Variants in PTGFR observed in about 807,000 individuals in gnomAD.
PTGFR encodes prostaglandin F receptor.
In PTGFR, 15 loss-of-function variants were observed where a neutral mutation model predicts 26.2. The observed-to-expected ratio is 0.57, with a 90% CI of 0.38 to 0.88. The LOEUF (loss-of-function observed/expected upper bound fraction) is 0.88, where lower values mean the gene tolerates loss of function less well. Among genes scored for constraint, PTGFR ranks in the 40% least tolerant of loss-of-function variants. The pLI, the probability that PTGFR is intolerant of heterozygous loss-of-function variation, is 0.00. For synonymous variants in PTGFR, 165 were observed against 151.1 expected, an observed-to-expected ratio of 1.09 and a Z score of -0.68; for missense variants, 369 against 427.2, an observed-to-expected ratio of 0.86 and a Z score of 1.20.
At chr1:78,529,894 A>G (rs1169783680) in intron 2 of PTGFR, among the ~76,000 whole-genome samples, 5 of 152,116 alleles carry the variant, frequency 3.3e-5, no homozygotes, top group Non-Finnish European at 5.9e-5. Flanking sequence ...TACTGTGAAC[A>G]CATGGGAGGG....
intron 2 of PTGFR, among the ~76,000 whole-genome samples, chr1:78,503,845 T>C (rs1162005695): frequency 6.6e-6 from 1 of 152,252 alleles, no homozygotes; most frequent in African/African-American, 2.4e-5. Flanking sequence ...AGAACATTGT[T>C]GTAGCAGCAG....
In PTGFR at chr1:78,540,201, A is replaced by G. The variant is rs567556817; in HGVS notation, c.*3514A>G. ...CTACAGAGCATGGTGAATCACACAC[A>G]GGCTGTTAGAATATCCATCTGGAGG... is the stretch of plus-strand genomic sequence containing the variant. On this transcript the variant is annotated 3_prime_UTR_variant, in exon 3 of 3. Transcript: ENST00000370757. Among the ~76,000 whole-genome samples the G allele has an allele frequency of 6.6e-6, 1 of 152,092 alleles. No individual in the cohort carries two copies. The highest frequency in any genetic ancestry group is 1.5e-5 in the Non-Finnish European group (1 of 68,004).
intron 2 of PTGFR, 108 bp downstream of exon 2, chr1:78,493,649 AT>A: frequency 9.0e-7 from 1 of 1,113,022 alleles, no homozygotes. Context: ...CCTACTCAAA[AT>A]TTATTTCAGC....
At chr1:78,522,578 C>T (rs1326544708) in intron 2 of PTGFR, among the ~76,000 whole-genome samples, 1 of 152,020 alleles carries the variant, frequency 6.6e-6, no homozygotes, top group East Asian at 1.9e-4. Flanking sequence ...CTTGTCCAAC[C>T]AGACTTATTT....
intron 2 of PTGFR, among the ~76,000 whole-genome samples, chr1:78,518,843 T>TA (rs1053510749): frequency 6.6e-6 from 1 of 152,096 alleles, no homozygotes; most frequent in South Asian, 2.1e-4. Context: ...TTAAAATATT[T>TA]AAAAAAATCG....
At position 78,536,708 on chromosome 1, in the gene PTGFR, G is replaced by T. The variant is rs1041717040; in HGVS notation, c.*21G>T. ...CCTAGCTTAATAGGACAGTAAATCT[G>T]TGTGGGGCTAGAACAAAATTAAGAC... On this transcript the variant is annotated 3_prime_UTR_variant, in exon 3 of 3. Coordinates refer to ENST00000370757, the MANE Select transcript of PTGFR (RefSeq NM_000959.4). The T allele has an allele frequency of 3.1e-6, 5 of 1,594,298 alleles. No homozygotes were observed. The highest frequency in any genetic ancestry group is 8.5e-7 in the Non-Finnish European group (1 of 1,171,526).
chr1:78,513,762 C>T (rs1440447852), intron 2 of PTGFR, among the ~76,000 whole-genome samples: 2 of 152,084 alleles, frequency 1.3e-5, no homozygotes, highest in East Asian at 3.9e-4. Flanking sequence ...GAGGCAGCCC[C>T]TCTCATCACA....
At chr1:78,502,684 G>A (rs1176526629) in intron 2 of PTGFR, among the ~76,000 whole-genome samples, 4 of 152,016 alleles carry the variant, frequency 2.6e-5, no homozygotes, top group African/African-American at 9.7e-5. Flanking sequence ...ATTATAAGAG[G>A]GATTTGTCAC....
At chr1:78,520,600 G>C in intron 2 of PTGFR, among the ~76,000 whole-genome samples, 1 of 152,100 alleles carries the variant, frequency 6.6e-6, no homozygotes. Flanking sequence ...CTACTCTTGG[G>C]ATGACTTAGA....
rs755961902 is a variant in PTGFR, at chr1:78,536,422, T to C, written c.815T>C (p.Ile272Thr). 12 of 1,611,686 alleles carry C rather than the reference T, an allele frequency of 7.4e-6. No homozygotes were observed. The highest frequency in any genetic ancestry group is 1.3e-5 in the African/African-American group (1 of 74,908). Residue 272 changes from isoleucine to threonine, a missense_variant, in exon 3 of 3, where the codon ATT becomes ACT. Physicochemically the swap from Ile to Thr is moderately conservative, Grantham distance 89. Coordinates refer to ENST00000370757, the MANE Select transcript of PTGFR (RefSeq NM_000959.4). The stretch of plus-strand genomic sequence containing the variant: ...CGTTTCTAGGTTACAATGGCCAACA[T>C]TGGAATAAATGGAAATCATTCTCTG... ...WSPFLVTMAN[I>T]GINGNHSLET...
At chr1:78,497,101 A>C (rs1649571996) in intron 2 of PTGFR, among the ~76,000 whole-genome samples, 1 of 152,148 alleles carries the variant, frequency 6.6e-6, no homozygotes, top group African/African-American at 2.4e-5. Context: ...TTTAAATTAA[A>C]ACATTTAATG....
At chr1:78,532,275 G>C in intron 2 of PTGFR, 1 of 374,502 alleles carries the variant, frequency 2.7e-6, no homozygotes, top group Non-Finnish European at 5.2e-6. Context: ...CAACATGAAA[G>C]TGGATCAAAC....
chr1:78,524,906 ATTTTTTTTTTTTTTTTTT>A (rs35641651), intron 2 of PTGFR, among the ~76,000 whole-genome samples: 2,986 of 70,848 alleles, frequency 0.042, 186 homozygotes, highest in African/African-American at 0.14. Context: ...CAAATGCAAG[ATTTTTTTTTTTTTTTTTT>A]TTTTTTTTTT....
chr1:78,505,933 A>G (rs984488603), intron 2 of PTGFR, among the ~76,000 whole-genome samples: 2 of 152,196 alleles, frequency 1.3e-5, no homozygotes, highest in African/African-American at 4.8e-5. Flanking sequence ...TTATCTTTTC[A>G]GAAGTCAATT....
intron 2 of PTGFR, among the ~76,000 whole-genome samples, chr1:78,527,936 A>G (rs559494560): frequency 3.9e-4 from 59 of 152,210 alleles, no homozygotes; most frequent in African/African-American, 1.4e-3. Flanking sequence ...TGACGGTTTA[A>G]TGGAGTCATG....
At chr1:78,500,061 A>AT (rs35204108) in intron 2 of PTGFR, among the ~76,000 whole-genome samples, 34,260 of 150,200 alleles carry the variant, frequency 0.23, 4,051 homozygotes, top group African/African-American at 0.27. Flanking sequence ...TTCATAATGT[A>AT]TTTTTTTTTT....
At chr1:78,530,261 C>A (rs571286011) in intron 2 of PTGFR, among the ~76,000 whole-genome samples, 16 of 152,272 alleles carry the variant, frequency 1.1e-4, no homozygotes, top group Admixed American at 5.2e-4. Context: ...AGCCATCCTT[C>A]TGAAGGACAC....
At position 78,493,484 on chromosome 1, in the gene PTGFR, G is replaced by A. The variant is rs1279881397; in HGVS notation, c.741G>A (p.Met247Ile). ...AAGGCAGATCTCATCATTTGGAAAT[G>A]GTAATCCAGCTCCTGGCGATAATGT... ...HRQGRSHHLE[M>I]VIQLLAIMCV... Residue 247 changes from methionine (M) to isoleucine (I), a missense_variant, in exon 2 of 3, where the codon ATG becomes ATA. Coordinates refer to ENST00000370757, the MANE Select transcript of PTGFR (RefSeq NM_000959.4). The A allele has an allele frequency of 1.4e-5, 22 of 1,587,350 alleles. No homozygotes were observed. Among genetic ancestry groups the A allele is most frequent in the Non-Finnish European group, 1.8e-5 (21 of 1,167,168 alleles).
At chr1:78,520,978 G>A (rs1650207855) in intron 2 of PTGFR, among the ~76,000 whole-genome samples, 1 of 152,034 alleles carries the variant, frequency 6.6e-6, no homozygotes, top group African/African-American at 2.4e-5. Context: ...GTTCATGCAG[G>A]GGGAGGAAAT....
Sources: allele counts gnomAD v4.1 joint callset (sites outside exome capture counted in the v4.1 genomes callset), GRCh38; gene constraint gnomAD v4.1.1; transcripts MANE v1.5; gene names NCBI Gene and HGNC (gene_info 2026-07-23, HGNC 2026-07-21).